TIGAR: variants seen among roughly 807,000 people sequenced by gnomAD.
TIGAR encodes the protein fructose-2,6-bisphosphatase TIGAR.
In TIGAR, 7 loss-of-function variants were observed where a neutral mutation model predicts 17.9. The observed-to-expected ratio is 0.39, with a 90% CI of 0.22 to 0.73. The LOEUF is 0.73. Among genes scored for constraint, TIGAR ranks in the 30% least tolerant of loss-of-function variants. The probability of loss-of-function intolerance (pLI) is 0.42; values close to 1 mark genes in which losing one functional copy is unlikely to be tolerated. For missense variants in TIGAR, 258 were observed against 327.4 expected, an observed-to-expected ratio of 0.79 and a Z score of 1.64; for synonymous variants, 94 against 108.6, an observed-to-expected ratio of 0.87 and a Z score of 0.84.
At chr12:4,334,980 T>C (rs1565447284) in intron 2 of TIGAR, among the ~76,000 whole-genome samples, 1 of 152,184 alleles carries the variant, frequency 6.6e-6, no homozygotes, top group Non-Finnish European at 1.5e-5. Flanking sequence ...ACATGTGTTT[T>C]CTTATTCTGT....
At chr12:4,346,452 G>C (rs892740414) in intron 3 of TIGAR, among the ~76,000 whole-genome samples, 3 of 152,198 alleles carry the variant, frequency 2.0e-5, no homozygotes, top group Non-Finnish European at 4.4e-5. Context: ...CATGTCCTCT[G>C]TAGGGACATA....
In TIGAR at chr12:4,351,328, G is replaced by C; in HGVS notation, c.332G>C (p.Arg111Thr). 6.2e-7 allele frequency: 1 copy of C among 1,614,186 alleles called. No homozygotes were observed. The change falls in exon 5 of 6, where the codon AGG (arginine) becomes ACG (threonine). Residue 111 changes from arginine to threonine, a missense_variant. Transcript: ENST00000179259. ...SELRAMAKAA[R>T]EECPVFTPPG... Reference sequence around the variant, plus strand: ...CTGAGGGCCATGGCCAAAGCAGCCAGGGAAGAGTGCCCTGTGTTTACACCG... The same window carrying C: ...CTGAGGGCCATGGCCAAAGCAGCCACGGAAGAGTGCCCTGTGTTTACACCG...
intron 3 of TIGAR, among the ~76,000 whole-genome samples, chr12:4,340,623 A>G (rs1158584284): frequency 6.6e-6 from 1 of 152,232 alleles, no homozygotes; most frequent in African/African-American, 2.4e-5. Flanking sequence ...AATTGGAAGA[A>G]TCACAGTACC....
rs979325262 is a variant in TIGAR, at chr12:4,356,438, A to T, written c.*3747A>T. On this transcript the variant is annotated 3_prime_UTR_variant, in exon 6 of 6. Transcript: ENST00000179259. The stretch of plus-strand genomic sequence containing the variant: ...GACTTAATTTTTTAAGAGAAACTTT[A>T]ATTTCCCAGCAAAAGTGAGAGGAAG... Among the ~76,000 whole-genome samples the T allele has an allele frequency of 6.6e-6, 1 of 151,804 alleles. No homozygotes were observed. The highest frequency in any genetic ancestry group is 6.6e-5 in the Admixed American group (1 of 15,266).
In TIGAR at chr12:4,355,293, T is replaced by C. The variant is rs1864887597; in HGVS notation, c.*2602T>C. ...CCCAACACCATTGTAAAGGCTGTTCTTTCCCAATTGGTTTGTGGTGTGTGC... is the reference window on the plus strand; with the variant it reads ...CCCAACACCATTGTAAAGGCTGTTCCTTCCCAATTGGTTTGTGGTGTGTGC... On this transcript the variant is annotated 3_prime_UTR_variant, in exon 6 of 6. Transcript: ENST00000179259. Among the ~76,000 whole-genome samples, 1 of 152,172 alleles carries C rather than the reference T, an allele frequency of 6.6e-6. No homozygotes were observed. Among genetic ancestry groups the C allele is most frequent in the Non-Finnish European group, 1.5e-5 (1 of 68,028 alleles).
chr12:4,328,912 T>G (rs947938077), intron 1 of TIGAR, among the ~76,000 whole-genome samples: 4 of 152,180 alleles, frequency 2.6e-5, no homozygotes, highest in African/African-American at 7.2e-5. Flanking sequence ...ATACGTTTAT[T>G]TTTTAAGCTA....
intron 2 of TIGAR, among the ~76,000 whole-genome samples, chr12:4,336,684 A>G (rs1864663021): frequency 6.6e-6 from 1 of 152,210 alleles, no homozygotes; most frequent in African/African-American, 2.4e-5. Flanking sequence ...ATAAAGAAGG[A>G]AAAAACTTTT....
At chr12:4,333,165 A>T (rs1349914067) in intron 2 of TIGAR, among the ~76,000 whole-genome samples, 1 of 152,122 alleles carries the variant, frequency 6.6e-6, no homozygotes, top group Non-Finnish European at 1.5e-5. Flanking sequence ...TGTTTTGGGG[A>T]TGGAATTTCA....
At position 4,321,997 on chromosome 12, in the gene TIGAR, TA is replaced by T. The variant is rs1229025399; in HGVS notation, c.32+695del. On this transcript the variant is annotated intron_variant, in intron 1 of 5. Transcript: ENST00000179259. This position sits in a 1 kb window ranked among gnomAD's most constrained non-coding sequence, Gnocchi z 5.2. ...AGTTAAGAGCACAGATTTTTATTTT[TA>T]TTTTTTTTTTTTTGTGAGATGGAGC... 8.7e-6 allele frequency among the ~76,000 whole-genome samples: 1 copy of T among 115,110 alleles called. No individual in the cohort carries two copies. Among genetic ancestry groups the T allele is most frequent in the Non-Finnish European group, 1.9e-5 (1 of 51,422 alleles). 75.5% of individuals were successfully genotyped at this position (115,110 alleles called of 152,430 possible).
intron 3 of TIGAR, among the ~76,000 whole-genome samples, 196 bp from the exon 4 acceptor site, chr12:4,349,623 T>G (rs1864816048): frequency 6.6e-6 from 1 of 152,186 alleles, no homozygotes; most frequent in Admixed American, 6.5e-5. Flanking sequence ...TTCACCATGT[T>G]GGCCAGGATG....
At chr12:4,334,919 C>T (rs916422243) in intron 2 of TIGAR, among the ~76,000 whole-genome samples, 1 of 151,912 alleles carries the variant, frequency 6.6e-6, no homozygotes, top group African/African-American at 2.4e-5. Context: ...TCTTTAGTTT[C>T]TCATAATATA....
intron 3 of TIGAR, among the ~76,000 whole-genome samples, chr12:4,340,197 A>T (rs1459065306): frequency 1.3e-5 from 2 of 152,264 alleles, no homozygotes; most frequent in African/African-American, 4.8e-5. Context: ...ATTAGAACTG[A>T]TACATTTGGT....
In TIGAR at chr12:4,353,576, C is replaced by T. The variant is rs935544902; in HGVS notation, c.*885C>T. 2 of 152,686 alleles carry T rather than the reference C, an allele frequency of 1.3e-5. No individual in the cohort carries two copies. The highest frequency in any genetic ancestry group is 1.9e-4 in the East Asian group (1 of 5,190). 9.5% of individuals were successfully genotyped at this position (152,686 alleles called of 1,614,324 possible). ...TCTGGGCCGGGCCCAGTGGCTCACA[C>T]CTGTAATCCCAGCACTTTGGGAGGC... is the stretch of plus-strand genomic sequence containing the variant. On this transcript the variant is annotated 3_prime_UTR_variant, in exon 6 of 6. Coordinates refer to ENST00000179259, the MANE Select transcript of TIGAR (RefSeq NM_020375.3).
chr12:4,348,854 A>T (rs1268138706), intron 3 of TIGAR, among the ~76,000 whole-genome samples: 2 of 152,230 alleles, frequency 1.3e-5, no homozygotes, highest in African/African-American at 2.4e-5. Context: ...AAATGTGAAT[A>T]AAAATGAGCT....
intron 1 of TIGAR, among the ~76,000 whole-genome samples, chr12:4,329,446 C>G (rs1864581660): frequency 7.4e-6 from 1 of 135,938 alleles, no homozygotes; most frequent in African/African-American, 2.7e-5. Flanking sequence ...TTAAACAATT[C>G]TTGTGCCTCA....
Position 4,324,566 on chromosome 12 carries a change from C to T in TIGAR, c.32+3263C>T, listed in dbSNP as rs1864517754. ...ACCATCTTGGGCAGGATGATCATGT[C>T]CCGCAGGTGCGTCTTCACCACTTCC... On this transcript the variant is annotated intron_variant, in intron 1 of 5. Transcript: ENST00000179259. 6 of 1,604,918 alleles carry T rather than the reference C, an allele frequency of 3.7e-6. No homozygotes were observed. In the South Asian group the frequency reaches 4.5e-5, roughly 12 times the overall value.
At chr12:4,342,396 A>G (rs1235574497) in intron 3 of TIGAR, among the ~76,000 whole-genome samples, 1 of 152,194 alleles carries the variant, frequency 6.6e-6, no homozygotes, top group Non-Finnish European at 1.5e-5. Context: ...TGCCACAAAG[A>G]TACTCCTCAA....
intron 1 of TIGAR, among the ~76,000 whole-genome samples, chr12:4,329,365 G>T (rs1184518753): frequency 8.2e-6 from 1 of 121,774 alleles, no homozygotes; most frequent in African/African-American, 3.2e-5. Context: ...GTGAGACAGG[G>T]TCTTGCTCTC....
chr12:4,344,624 C>A (rs1195961837), intron 3 of TIGAR, among the ~76,000 whole-genome samples: 2 of 152,112 alleles, frequency 1.3e-5, no homozygotes, highest in Admixed American at 6.6e-5. Flanking sequence ...AAGACAAAAA[C>A]CACATGATTA....
Sources: allele counts gnomAD v4.1 joint callset (sites outside exome capture counted in the v4.1 genomes callset), GRCh38; gene constraint gnomAD v4.1.1; non-coding constraint Gnocchi (gnomAD v3.1); transcripts MANE v1.5; gene names NCBI Gene and HGNC (gene_info 2026-07-23, HGNC 2026-07-21).